VWA3B: variants seen among roughly 807,000 people sequenced by gnomAD.
The protein encoded by VWA3B is von Willebrand factor A domain containing 3B, also known as von Willebrand factor A domain-containing protein 3B.
In VWA3B, 138 loss-of-function variants were observed where a neutral mutation model predicts 158.3. The observed-to-expected ratio is 0.87, with a 90% CI of 0.76 to 1.00. The LOEUF is 1.00. Among genes scored for constraint, VWA3B ranks in the 50% least tolerant of loss-of-function variants. The pLI is 0.00. For missense variants in VWA3B, 1,555 were observed against 1,565.1 expected (o/e 0.99, Z 0.11); for synonymous variants, 596 against 587.3 (o/e 1.01, Z -0.21).
Position 98,119,602 on chromosome 2 carries a change from C to G in VWA3B, c.381C>G (p.Thr127=), listed in dbSNP as rs1674799388. 6.2e-7 allele frequency: 1 copy of G among 1,613,960 alleles called. No individual in the cohort carries two copies. Among genetic ancestry groups the G allele is most frequent in the African/African-American group, 1.3e-5 (1 of 74,874 alleles). Residue 127 remains threonine, a synonymous_variant, in exon 4 of 28, where the codon ACC becomes ACG. Transcript: ENST00000477737. ...ACAAGCAGCGAATGGACTGGCTCACCAGCAAGAGCCGGCAGATTTTTGGTG... is the reference window on the plus strand; with the variant it reads ...ACAAGCAGCGAATGGACTGGCTCACGAGCAAGAGCCGGCAGATTTTTGGTG... ...ESYKQRMDWL[T]SKSRQIFGVI...
intron 3 of VWA3B, among the ~76,000 whole-genome samples, chr2:98,116,830 T>G (rs931812688): frequency 2.6e-5 from 4 of 152,216 alleles, no homozygotes; most frequent in African/African-American, 9.6e-5. Context: ...TGCCCCTTTT[T>G]CTTTATTTTT....
At chr2:98,196,661 C>T (rs945655789) in intron 12 of VWA3B, among the ~76,000 whole-genome samples, 10 of 152,046 alleles carry the variant, frequency 6.6e-5, no homozygotes, top group Non-Finnish European at 2.9e-5. Context: ...GACCATGTTT[C>T]CCCGGGCTCT....
At chr2:98,310,792 C>CT (rs1452934669) in intron 26 of VWA3B, among the ~76,000 whole-genome samples, 1 of 152,212 alleles carries the variant, frequency 6.6e-6, no homozygotes, top group Non-Finnish European at 1.5e-5. Flanking sequence ...CCCAGAAAGG[C>CT]TTTTCCCAAT....
Position 98,303,713 on chromosome 2 carries a change from T to A in VWA3B, c.3432T>A (p.Pro1144=). 6.2e-7 allele frequency: 1 copy of A among 1,614,202 alleles called. No individual in the cohort carries two copies. Among genetic ancestry groups the A allele is most frequent in the Non-Finnish European group, 8.5e-7 (1 of 1,180,014 alleles). The change falls in exon 26 of 28, where the codon CCT becomes CCA. Residue 1144 remains proline (P), a synonymous_variant. Transcript: ENST00000477737. ...LKCNNRREFC[P]RSALIKISQN... ...TGGTATTATTACAGGAATTTTGCCC[T>A]CGGAGTGCACTTATTAAGATCAGCC...
chr2:98,151,091 G>A (rs1677586049), intron 7 of VWA3B, among the ~76,000 whole-genome samples: 1 of 151,914 alleles, frequency 6.6e-6, no homozygotes, highest in African/African-American at 2.4e-5. Context: ...TGATTAACAT[G>A]GAATGGACTC....
the VWA3B span, among the ~76,000 whole-genome samples, chr2:98,324,943 C>T: frequency 3.6e-4 from 54 of 148,902 alleles, no homozygotes; most frequent in African/African-American, 1.2e-3. Flanking sequence ...GGCTTAAGAA[C>T]AGAATAGAAA....
rs1674927302 is a variant in VWA3B at position 98,121,171 on chromosome 2, TGA to T, written c.543-127_543-126del. 8.4e-6 allele frequency: 10 copies of T among 1,194,830 alleles called. No individual in the cohort carries two copies. In the South Asian group the frequency reaches 1.7e-4, roughly 20 times the overall value. 74.0% of individuals were successfully genotyped at this position (1,194,830 alleles called of 1,614,324 possible). Reference sequence around the variant, plus strand: ...GGTAACATCAGAGGGCTGGGAGCTATGATTTCTTTCTTTTTCAGCTCTAGAGA... The same window carrying T: ...GGTAACATCAGAGGGCTGGGAGCTATTTTCTTTCTTTTTCAGCTCTAGAGA... On this transcript the variant is annotated intron_variant, in intron 4 of 27. Coordinates refer to ENST00000477737, the MANE Select transcript of VWA3B (RefSeq NM_144992.5).
At chr2:98,168,087 A>G (rs945210645) in intron 8 of VWA3B, among the ~76,000 whole-genome samples, 1 of 152,262 alleles carries the variant, frequency 6.6e-6, no homozygotes, top group Non-Finnish European at 1.5e-5. Flanking sequence ...ATTACAAGGC[A>G]TGAAAAGAAG....
chr2:98,228,706 C>T (rs967095214), intron 15 of VWA3B, among the ~76,000 whole-genome samples: 7 of 152,270 alleles, frequency 4.6e-5, no homozygotes, highest in East Asian at 1.9e-4. Context: ...CTTCTCTCCA[C>T]GCCTCTCCAT....
intron 21 of VWA3B, among the ~76,000 whole-genome samples, chr2:98,268,845 G>A (rs1034721242): frequency 2.0e-5 from 3 of 152,050 alleles, no homozygotes; most frequent in East Asian, 1.9e-4. Flanking sequence ...ACTTTGGAGC[G>A]TAAGTCAAAT....
At chr2:98,135,367 GC>G (rs1676198371) in intron 7 of VWA3B, among the ~76,000 whole-genome samples, 1 of 105,404 alleles carries the variant, frequency 9.5e-6, no homozygotes, top group Non-Finnish European at 1.7e-5. Flanking sequence ...ACAGAGTCTC[GC>G]TCTGTCGCCC....
intron 21 of VWA3B, among the ~76,000 whole-genome samples, chr2:98,266,842 CTGTT>C (rs752466643): frequency 0.014 from 2,015 of 146,884 alleles, 21 homozygotes; most frequent in Non-Finnish European, 0.019. Flanking sequence ...ATTTGGCTCT[CTGTT>C]TGTCTGTTAT....
chr2:98,244,961 G>A (rs1157120231), intron 19 of VWA3B, among the ~76,000 whole-genome samples: 1 of 151,964 alleles, frequency 6.6e-6, no homozygotes, highest in African/African-American at 2.4e-5. Context: ...GCCCTTTATG[G>A]TCAGTGACTG....
At chr2:98,161,617 T>C (rs1213813498) in intron 7 of VWA3B, among the ~76,000 whole-genome samples, 1 of 152,238 alleles carries the variant, frequency 6.6e-6, no homozygotes, top group African/African-American at 2.4e-5. Flanking sequence ...GAGATAATTA[T>C]AGATTCACAG....
intron 7 of VWA3B, among the ~76,000 whole-genome samples, chr2:98,149,151 A>C (rs1175824312): frequency 6.6e-6 from 1 of 152,228 alleles, no homozygotes; most frequent in Non-Finnish European, 1.5e-5. Flanking sequence ...ACTTTGAAAG[A>C]AAAAAGATTG....
At chr2:98,192,609 C>G (rs1366753072) in intron 10 of VWA3B, among the ~76,000 whole-genome samples, 7 of 152,162 alleles carry the variant, frequency 4.6e-5, no homozygotes, top group Admixed American at 4.6e-4. Flanking sequence ...GATATGATGG[C>G]TTAGCTTGGG....
Position 98,312,387 on chromosome 2 carries a change from C to T in VWA3B, c.*38C>T. ...GCAGCTATGTTTAAGAGACCAGCGT[C>T]CTTCCAGGCTGTTCAGACCTCAGCG... On this transcript the variant is annotated 3_prime_UTR_variant, in exon 28 of 28. Coordinates refer to ENST00000477737, the MANE Select transcript of VWA3B (RefSeq NM_144992.5). The T allele has an allele frequency of 6.3e-7, 1 of 1,579,088 alleles. No homozygotes were observed. Among genetic ancestry groups the T allele is most frequent in the Non-Finnish European group, 8.6e-7 (1 of 1,161,074 alleles).
At chr2:98,317,962 A>G (rs1691123980), downstream of VWA3B, among the ~76,000 whole-genome samples, 1 of 152,278 alleles carries the variant, frequency 6.6e-6, no homozygotes, top group South Asian at 2.1e-4. Flanking sequence ...GGAGGAACTT[A>G]TGTTAGCATA....
chr2:98,168,507 C>T (rs886229031), intron 8 of VWA3B, among the ~76,000 whole-genome samples: 6 of 152,102 alleles, frequency 3.9e-5, no homozygotes, highest in Non-Finnish European at 7.4e-5. Flanking sequence ...GACCTTTCAT[C>T]ATTGGCTAGC....
Sources: gnomAD v4.1 joint callset for allele counts (sites outside exome capture counted in the v4.1 genomes callset) on GRCh38, gnomAD v4.1.1 for gene constraint, MANE v1.5 for transcripts, NCBI Gene and HGNC (gene_info 2026-07-23, HGNC 2026-07-21) for gene names.